Variants in CSF1R observed in about 807,000 individuals in gnomAD.
CSF1R encodes the protein colony stimulating factor 1 receptor.
CSF1R carries 40 observed loss-of-function variants against 110.0 expected under a neutral mutation model. The ratio of observed to expected loss-of-function variants is 0.36; its 90% CI spans 0.28 to 0.47. The LOEUF is 0.47. Among genes scored for constraint, CSF1R ranks in the 20% least tolerant of loss-of-function variants. The pLI is 0.99. For synonymous variants in CSF1R, 523 were observed against 503.4 expected, an observed-to-expected ratio of 1.04 and a Z score of -0.52; for missense variants, 1,052 against 1,253.0, an observed-to-expected ratio of 0.84 and a Z score of 2.42.
chr5:150,060,309 A>G (rs1757443950), intron 13 of CSF1R, among the ~76,000 whole-genome samples: 1 of 151,236 alleles, frequency 6.6e-6, no homozygotes, highest in South Asian at 2.1e-4. Context: ...CCTGGGTGAC[A>G]GAGTGAGGCT....
intron 10 of CSF1R, among the ~76,000 whole-genome samples, chr5:150,065,398 C>G (rs1757718395): frequency 6.6e-6 from 1 of 152,242 alleles, no homozygotes; most frequent in South Asian, 2.1e-4. Context: ...CCCTGTGCGC[C>G]TCCTCCTCCA....
Position 150,055,933 on chromosome 5 carries a change from G to A in CSF1R, c.2554+93C>T, listed in dbSNP as rs552539262. ...CATTCCTGCACTCTCACCAACCCTC[G>A]CTGTGTCCTGGGCACCAAACAGCTT... On this transcript the variant is annotated intron_variant, in intron 18 of 20. Transcript: ENST00000675795. 2.3e-5 allele frequency: 26 copies of A among 1,152,856 alleles called. No homozygotes were observed. The East Asian group carries it at 5.4e-4, about 24-fold the overall frequency. The allele number at this position is 1,152,856 out of a possible 1,614,324, so 71.4% of individuals were successfully genotyped here.
chr5:150,112,465 G>A (rs2113874736), intron 1 of CSF1R, among the ~76,000 whole-genome samples: 1 of 152,358 alleles, frequency 6.6e-6, no homozygotes, highest in East Asian at 1.9e-4. Context: ...ACTGAGGCCT[G>A]ATGTGGTGTA....
rs1757271732 is a variant in CSF1R, at chr5:150,057,371, C to T, written c.2235G>A (p.Glu745=). 2 of 1,614,074 alleles carry T rather than the reference C, an allele frequency of 1.2e-6. No individual in the cohort carries two copies. Among genetic ancestry groups the T allele is most frequent in the Non-Finnish European group, 1.7e-6 (2 of 1,179,974 alleles). ...DSFSEQDLDK[E]DGRPLELRDL... ...CCCGGAGCTCCAGGGGCCGTCCATC[C>T]TCCTTGTCCAGGTCTAGGGTGGGAA... The change falls in exon 16 of 21, where the codon GAG becomes GAA. Residue 745 remains glutamate (E), a synonymous_variant. Coordinates refer to ENST00000675795, the MANE Select transcript of CSF1R (RefSeq NM_001288705.3).
chr5:150,054,622 C>T, intron 19 of CSF1R, 192 bp from the exon 20 acceptor site: 1 of 549,172 alleles, frequency 1.8e-6, no homozygotes, highest in Non-Finnish European at 3.2e-6. Context: ...GAAGGGTACT[C>T]TCATCACCCT....
intron 1 of CSF1R, among the ~76,000 whole-genome samples, chr5:150,097,357 AAGAG>A (rs1759259720): frequency 6.6e-6 from 1 of 151,342 alleles, no homozygotes; most frequent in African/African-American, 2.4e-5. Flanking sequence ...GGGAAGGAGG[AAGAG>A]AGAGAAAGAG....
intron 1 of CSF1R, among the ~76,000 whole-genome samples, chr5:150,093,499 A>G (rs745726861): frequency 1.1e-4 from 16 of 152,212 alleles, no homozygotes; most frequent in Non-Finnish European, 2.1e-4. Context: ...TAACTTAAAA[A>G]TTTTTGAAGA....
At chr5:150,101,740 G>GC (rs992750835) in intron 1 of CSF1R, among the ~76,000 whole-genome samples, 2 of 150,190 alleles carry the variant, frequency 1.3e-5, no homozygotes, top group African/African-American at 4.9e-5. Context: ...TAAATGGAAG[G>GC]CCCCCCAAAC....
chr5:150,094,291 C>T lies in CSF1R; in HGVS notation c.-180-7684G>A, dbSNP rs114415179. ...AGAACAGAGCTTCAGTTTTTTTTTC[C>T]GGCTGGAACCATGGAGGGTGTAGAA... On this transcript the variant is annotated intron_variant, in intron 1 of 21. Coordinates refer to the CSF1R transcript ENST00000286301. 1,230 of 1,534,168 alleles carry T rather than the reference C, an allele frequency of 8.0e-4. 5 individuals carry two copies. The African/African-American group carries it at 0.014, about 17-fold the overall frequency.
At chr5:150,086,354 C>G (rs1343138619) in intron 1 of CSF1R, 25 bp downstream of exon 1, 2 of 1,588,658 alleles carry the variant, frequency 1.3e-6, no homozygotes, top group Non-Finnish European at 1.7e-6. Context: ...CCAACAAAGT[C>G]CCCCACCCCC....
intron 14 of CSF1R, among the ~76,000 whole-genome samples, chr5:150,057,847 CT>C (rs1306103422): frequency 1.3e-5 from 2 of 152,206 alleles, no homozygotes; most frequent in African/African-American, 2.4e-5. Context: ...CAATCTACCC[CT>C]GAGATTTTCC....
chr5:150,094,566 T>C lies in CSF1R; in HGVS notation c.-180-7959A>G, dbSNP rs535620107. The C allele has an allele frequency of 3.6e-5, 57 of 1,588,542 alleles. No homozygotes were observed. The African/African-American group carries it at 6.4e-4, about 18-fold the overall frequency. On this transcript the variant is annotated intron_variant, in intron 1 of 21. Coordinates refer to the CSF1R transcript ENST00000286301. The stretch of plus-strand genomic sequence containing the variant: ...CTTCTATGTACCTGCAGAACCCAAA[T>C]TGGCGTTTGTCATCAGAATCAGAGG...
chr5:150,082,571 G>C (rs539142869), intron 1 of CSF1R, among the ~76,000 whole-genome samples: 38 of 152,362 alleles, frequency 2.5e-4, no homozygotes, highest in African/African-American at 7.9e-4. Flanking sequence ...TCTCAACAGA[G>C]CTGGGGCTGC....
chr5:150,070,687 G>A, intron 6 of CSF1R, 116 bp from the exon 7 acceptor site: 1 of 689,612 alleles, frequency 1.5e-6, no homozygotes, highest in Non-Finnish European at 2.2e-6. Flanking sequence ...AAATATTCAG[G>A]GCCCAACGGC....
chr5:150,074,010 A>G (rs1240820206), intron 5 of CSF1R, among the ~76,000 whole-genome samples: 1 of 152,188 alleles, frequency 6.6e-6, no homozygotes, highest in African/African-American at 2.4e-5. Context: ...TGAGTCCATA[A>G]CACTCAATTC....
intron 10 of CSF1R, among the ~76,000 whole-genome samples, chr5:150,066,693 C>T (rs1757791339): frequency 6.6e-6 from 1 of 151,822 alleles, no homozygotes; most frequent in Non-Finnish European, 1.5e-5. Context: ...ATCCTTCCCA[C>T]CCTGCCCACT....
intron 1 of CSF1R, among the ~76,000 whole-genome samples, chr5:150,081,547 A>T (rs1448661726): frequency 6.6e-6 from 1 of 152,136 alleles, no homozygotes; most frequent in African/African-American, 2.4e-5. Flanking sequence ...CGCTCCCACC[A>T]ATGGACATCT....
intron 16 of CSF1R, among the ~76,000 whole-genome samples, chr5:150,056,805 A>G (rs942373624): frequency 1.3e-5 from 2 of 152,196 alleles, no homozygotes; most frequent in African/African-American, 4.8e-5. Flanking sequence ...ATAGTTGCTT[A>G]AAGTCACGGA....
intron 1 of CSF1R, among the ~76,000 whole-genome samples, chr5:150,107,909 G>A (rs1581354848): frequency 1.3e-5 from 2 of 152,226 alleles, no homozygotes; most frequent in East Asian, 1.9e-4. Context: ...GTGGTGAACA[G>A]GTCAGCTGTG....
Sources: gnomAD v4.1 joint callset for allele counts (sites outside exome capture counted in the v4.1 genomes callset) on GRCh38, gnomAD v4.1.1 for gene constraint, MANE v1.5 for transcripts, NCBI Gene and HGNC (gene_info 2026-07-23, HGNC 2026-07-21) for gene names.